The following RNF216 variants were observed in gnomAD, a reference collection of about 807,000 sequenced individuals.
RNF216 encodes the protein E3 ubiquitin-protein ligase RNF216.
In RNF216, 72 loss-of-function variants were observed where a neutral mutation model predicts 110.8. The observed-to-expected ratio is 0.65, with a 90% confidence interval of 0.54 to 0.79. RNF216 has a LOEUF of 0.79. RNF216 is among the 30% of genes least tolerant of loss of function. The probability of loss-of-function intolerance (pLI) is 0.00; values close to 1 mark genes in which losing one functional copy is unlikely to be tolerated. For missense variants in RNF216, 1,342 were observed against 1,141.2 expected (o/e 1.18, Z -2.54); for synonymous variants, 495 against 407.5 (o/e 1.21, Z -2.59).
At chr7:5,692,538 C>T (rs919665064) in intron 13 of RNF216, among the ~76,000 whole-genome samples, 6 of 152,116 alleles carry the variant, frequency 3.9e-5, no homozygotes, top group Admixed American at 6.5e-5. Flanking sequence ...GTATCCTGTC[C>T]GACAGTGCCA....
chr7:5,758,031 A>T (rs1043904262), intron 2 of RNF216, among the ~76,000 whole-genome samples: 3 of 152,190 alleles, frequency 2.0e-5, no homozygotes, highest in Non-Finnish European at 4.4e-5. Context: ...AATAAAAACA[A>T]AACTCTATAT....
intron 5 of RNF216, among the ~76,000 whole-genome samples, chr7:5,738,707 C>CAAAAAA (rs71004696): frequency 1.1e-4 from 8 of 70,124 alleles, no homozygotes; most frequent in African/African-American, 3.9e-4. Flanking sequence ...GACTCCGTCT[C>CAAAAAA]AAAAAAAAAA....
chr7:5,636,737 T>C (rs892885345), intron 15 of RNF216, among the ~76,000 whole-genome samples: 4 of 152,234 alleles, frequency 2.6e-5, no homozygotes, highest in African/African-American at 7.2e-5. Flanking sequence ...GCTGTGGCTA[T>C]CAGAGGAAAT....
intron 14 of RNF216, among the ~76,000 whole-genome samples, chr7:5,647,754 A>G (rs1788142928): frequency 6.6e-6 from 1 of 152,184 alleles, no homozygotes; most frequent in Non-Finnish European, 1.5e-5. Flanking sequence ...TCTATCAGCT[A>G]CCAAGACCTG....
chr7:5,730,763 G>A lies in RNF216; in HGVS notation c.1176C>T (p.Ile392=), dbSNP rs572284119. 214 of 1,611,016 alleles carry A rather than the reference G, an allele frequency of 1.3e-4. No individual in the cohort carries two copies. In the Middle Eastern group the frequency reaches 2.3e-3, roughly 17 times the overall value. Residue 392 remains isoleucine (I), a synonymous_variant, in exon 6 of 17, where the codon ATC becomes ATT. Transcript: ENST00000389902. ...GCAGACTGCTACTGGGATTTATAAT[G>A]ATTCTGTCTTCTCTCTTTGGATAAT... ...NPDYPKREDR[I]IINPSSSLLA...
intron 1 of RNF216, among the ~76,000 whole-genome samples, chr7:5,776,898 CCA>C (rs1562485909): frequency 3.3e-5 from 1 of 30,740 alleles, no homozygotes; most frequent in South Asian, 8.8e-4. Flanking sequence ...GAGACTCTGT[CCA>C]AAAAAAAAAA....
intron 1 of RNF216, among the ~76,000 whole-genome samples, chr7:5,769,537 A>G (rs187863877): frequency 6.6e-6 from 1 of 151,974 alleles, no homozygotes; most frequent in Non-Finnish European, 1.5e-5. Flanking sequence ...AGCCTGGGCA[A>G]CATGGTGAAA....
chr7:5,632,233 G>A (rs966967243), intron 15 of RNF216, among the ~76,000 whole-genome samples: 2 of 152,198 alleles, frequency 1.3e-5, no homozygotes, highest in African/African-American at 2.4e-5. Flanking sequence ...ATCTTTACTC[G>A]CTGCCACAGA....
At chr7:5,780,381 G>A (rs984409497) in intron 1 of RNF216, 2 of 152,128 alleles carry the variant, frequency 1.3e-5, no homozygotes, top group East Asian at 1.9e-4. Context: ...TTCAGCCAGG[G>A]CGCTTCTTAC....
chr7:5,781,292 G>C (rs549395048), intron 1 of RNF216, among the ~76,000 whole-genome samples: 1 of 152,118 alleles, frequency 6.6e-6, no homozygotes, highest in Non-Finnish European at 1.5e-5. Context: ...GAAGTGGCGA[G>C]AGGGGGCCAC....
At chr7:5,758,956 C>T (rs1795786266) in intron 2 of RNF216, among the ~76,000 whole-genome samples, 1 of 152,112 alleles carries the variant, frequency 6.6e-6, no homozygotes, top group South Asian at 2.1e-4. Context: ...TGTCCCTGCC[C>T]AAATTTCATA....
intron 13 of RNF216, among the ~76,000 whole-genome samples, chr7:5,662,930 G>A (rs906773304): frequency 6.6e-6 from 1 of 152,034 alleles, no homozygotes; most frequent in African/African-American, 2.4e-5. Flanking sequence ...GACAGTAGAC[G>A]GAGCTGGGAC....
At chr7:5,754,468 T>C (rs1015421134) in intron 2 of RNF216, among the ~76,000 whole-genome samples, 2 of 151,924 alleles carry the variant, frequency 1.3e-5, no homozygotes, top group South Asian at 2.1e-4. Context: ...CCTGACTTAA[T>C]TGTGGATTTT....
chr7:5,688,908 T>C (rs1791152429), intron 13 of RNF216, among the ~76,000 whole-genome samples: 2 of 152,168 alleles, frequency 1.3e-5, no homozygotes, highest in South Asian at 2.1e-4. Context: ...AATATAAAGT[T>C]TAAGTCTGAA....
intron 8 of RNF216, 36 bp downstream of exon 8, chr7:5,725,288 G>T: frequency 2.5e-6 from 3 of 1,194,268 alleles, no homozygotes; most frequent in Non-Finnish European, 3.7e-6. Context: ...GTACAGTGTT[G>T]CAGCTACACA....
chr7:5,775,620 A>G (rs575177526), intron 1 of RNF216, among the ~76,000 whole-genome samples: 33 of 151,904 alleles, frequency 2.2e-4, no homozygotes, highest in Non-Finnish European at 4.0e-4. Flanking sequence ...CTGTAATCCC[A>G]AAACTTTGAG....
chr7:5,765,642 A>T (rs557975236), intron 1 of RNF216, among the ~76,000 whole-genome samples: 1 of 150,316 alleles, frequency 6.7e-6, no homozygotes, highest in African/African-American at 2.5e-5. Context: ...ACAAACAAAA[A>T]GCATGAAAAA....
At chr7:5,689,040 T>C (rs1791160982) in intron 13 of RNF216, among the ~76,000 whole-genome samples, 1 of 152,164 alleles carries the variant, frequency 6.6e-6, no homozygotes, top group Non-Finnish European at 1.5e-5. Context: ...TGCTGTGGCT[T>C]CCTCTCTCAT....
intron 13 of RNF216, among the ~76,000 whole-genome samples, chr7:5,674,467 TAA>T (rs532178772): frequency 2.1e-5 from 3 of 139,822 alleles, no homozygotes; most frequent in Non-Finnish European, 3.1e-5. Flanking sequence ...CTACATCTCT[TAA>T]AAAAAAAAAA....
Sources: allele counts gnomAD v4.1 joint callset (sites outside exome capture counted in the v4.1 genomes callset), GRCh38; gene constraint gnomAD v4.1.1; transcripts MANE v1.5; gene names NCBI Gene and HGNC (gene_info 2026-07-23, HGNC 2026-07-21).